The following SMG7 variants were observed in gnomAD, a reference collection of about 807,000 sequenced individuals.
The protein encoded by SMG7 is SMG7 nonsense mediated mRNA decay factor.
In SMG7, 34 loss-of-function variants were observed where a neutral mutation model predicts 148.2. The observed-to-expected ratio is 0.23, with a 90% CI of 0.17 to 0.31. The LOEUF (loss-of-function observed/expected upper bound fraction) is 0.31, where lower values mean the gene tolerates loss of function less well. Ranked by LOEUF, SMG7 falls within the 10% of genes least tolerant of loss-of-function variation. The pLI is 1.00. For synonymous variants in SMG7, 492 were observed against 515.1 expected (o/e 0.96, Z 0.61); for missense variants, 1,114 against 1,408.4 (o/e 0.79, Z 3.35).
At position 183,512,640 on chromosome 1, in the gene SMG7, T is replaced by C. The variant is rs1571917957; in HGVS notation, c.30-197T>C. 2.6e-5 allele frequency among the ~76,000 whole-genome samples: 4 copies of C among 152,296 alleles called. No individual in the cohort carries two copies. The South Asian group carries it at 8.3e-4, about 32-fold the overall frequency. On this transcript the variant is annotated intron_variant, in intron 1 of 22. Coordinates refer to ENST00000688051, the MANE Select transcript of SMG7 (RefSeq NM_001375584.1). Reference sequence around the variant, plus strand: ...TAAGTGGTCCTTAAACTTTTAAGTATTGGCATTAATTTGCCAAGACCTTGT... The same window carrying C: ...TAAGTGGTCCTTAAACTTTTAAGTACTGGCATTAATTTGCCAAGACCTTGT...
chr1:183,517,966 C>A (rs902321821), intron 4 of SMG7, 146 bp downstream of exon 4: 1 of 844,700 alleles, frequency 1.2e-6, no homozygotes, highest in Non-Finnish European at 1.8e-6. Context: ...TCTTTTTTGG[C>A]GACAGAGTCT....
intron 1 of SMG7, among the ~76,000 whole-genome samples, chr1:183,477,836 A>T (rs752306300): frequency 6.6e-5 from 10 of 152,130 alleles, no homozygotes; most frequent in Non-Finnish European, 1.5e-4. Context: ...GTATATATAC[A>T]TATATTTTTT....
At chr1:183,549,081 T>C in intron 18 of SMG7, 127 bp from the exon 19 acceptor site, 1 of 673,126 alleles carries the variant, frequency 1.5e-6, no homozygotes, top group South Asian at 1.9e-5. Context: ...TCACATCTTC[T>C]GAGCCTCAAA....
At chr1:183,521,068 C>T (rs369407638) in intron 4 of SMG7, among the ~76,000 whole-genome samples, 2 of 149,000 alleles carry the variant, frequency 1.3e-5, no homozygotes, top group African/African-American at 2.5e-5. Flanking sequence ...GAATTTTTCA[C>T]TTGCTTTTTT....
At chr1:183,473,131 A>T (rs755856287) in intron 1 of SMG7, 7 of 165,096 alleles carry the variant, frequency 4.2e-5, no homozygotes, top group Non-Finnish European at 7.6e-5. Context: ...GAGGGCAGAC[A>T]GGGGGAGAGG....
intron 2 of SMG7, among the ~76,000 whole-genome samples, chr1:183,514,972 A>G (rs1571933151): frequency 6.6e-6 from 1 of 152,218 alleles, no homozygotes; most frequent in African/African-American, 2.4e-5. Flanking sequence ...TAGCAAAACG[A>G]AGTAGCCCAG....
At chr1:183,480,794 T>G (rs1653904697) in intron 1 of SMG7, among the ~76,000 whole-genome samples, 1 of 152,172 alleles carries the variant, frequency 6.6e-6, no homozygotes. Flanking sequence ...TTTGAAAAAT[T>G]CTTCCTACTG....
rs1468099274 is a variant in SMG7 at position 183,531,185 on chromosome 1, GAT to G, written c.843+1654_843+1655del. On this transcript the variant is annotated intron_variant, in intron 8 of 22. Transcript: ENST00000688051. ...CCAAAGTATTTCTAAAGCATATGTA[GAT>G]AATTAGTATCATCAACATGTATACT... is the stretch of plus-strand genomic sequence containing the variant. 3.3e-5 allele frequency among the ~76,000 whole-genome samples: 5 copies of G among 152,068 alleles called. No homozygotes were observed. The East Asian group carries it at 9.6e-4, about 29-fold the overall frequency.
intron 1 of SMG7, among the ~76,000 whole-genome samples, chr1:183,505,263 G>A (rs1660649540): frequency 6.6e-6 from 1 of 152,078 alleles, no homozygotes; most frequent in Non-Finnish European, 1.5e-5. Flanking sequence ...CTCTGGCAAG[G>A]CTATCATTGA....
intron 20 of SMG7, 84 bp downstream of exon 20, chr1:183,550,007 A>C (rs1156557980): frequency 1.2e-6 from 1 of 862,190 alleles, no homozygotes; most frequent in Non-Finnish European, 1.7e-6. Flanking sequence ...TGTAATTACA[A>C]ATATATCATT....
intron 2 of SMG7, among the ~76,000 whole-genome samples, chr1:183,514,884 CTT>C (rs1446432275): frequency 1.3e-5 from 2 of 152,300 alleles, no homozygotes; most frequent in East Asian, 3.9e-4. Context: ...AGGAGATTCT[CTT>C]TGCAAAATAG....
At chr1:183,493,551 C>T (rs900728274) in intron 1 of SMG7, among the ~76,000 whole-genome samples, 1 of 152,124 alleles carries the variant, frequency 6.6e-6, no homozygotes, top group Non-Finnish European at 1.5e-5. Flanking sequence ...GGGTTATAAC[C>T]TTAGTGTTGG....
intron 1 of SMG7, among the ~76,000 whole-genome samples, chr1:183,512,483 G>T (rs182033670): frequency 6.6e-6 from 1 of 152,256 alleles, no homozygotes; most frequent in Non-Finnish European, 1.5e-5. Flanking sequence ...GAGAAACATA[G>T]TAGGTTTTTT....
At position 183,546,129 on chromosome 1, in the gene SMG7, T is replaced by C; in HGVS notation, c.2534T>C (p.Leu845Pro). ...LQPPVMQQQP[L>P]EKKMKPFPME... ...CCTCCTGTAATGCAGCAGCAGCCTC[T>C]AGAAAAAAAAATGAAGCCTTTTCCC... is the stretch of plus-strand genomic sequence containing the variant. The change falls in exon 17 of 23, where the codon CTA (leucine) becomes CCA (proline). Residue 845 changes from leucine (L) to proline (P), a missense_variant. Physicochemically the swap from Leu to Pro is moderately conservative, Grantham distance 98. Around this residue, in one of 4 missense-constraint regions of SMG7, gnomAD observed 788 missense variants for 894.5 expected, o/e 0.88. Coordinates refer to ENST00000688051, the MANE Select transcript of SMG7 (RefSeq NM_001375584.1). 1 of 1,613,752 alleles carries C rather than the reference T, an allele frequency of 6.2e-7. No homozygotes were observed. Among genetic ancestry groups the C allele is most frequent in the Non-Finnish European group, 8.5e-7 (1 of 1,179,904 alleles).
rs1416591882 is a variant in SMG7, at chr1:183,515,908, C to T, written c.96C>T (p.Ser32=). ...TGGGTCCAGCTGAAGTCTGGACATCCAGGCAGGCTCTGCAGGACCTGTACC... is the reference window on the plus strand; with the variant it reads ...TGGGTCCAGCTGAAGTCTGGACATCTAGGCAGGCTCTGCAGGACCTGTACC... The part of the protein sequence containing the change: ...SKLGPAEVWT[S]RQALQDLYQK... The change falls in exon 3 of 23, where the codon TCC becomes TCT. Residue 32 remains serine (S), a synonymous_variant. Transcript: ENST00000688051. 3.7e-6 allele frequency: 6 copies of T among 1,612,660 alleles called. No homozygotes were observed. The highest frequency in any genetic ancestry group is 5.1e-6 in the Non-Finnish European group (6 of 1,179,294).
intron 14 of SMG7, among the ~76,000 whole-genome samples, chr1:183,543,694 G>A: frequency 6.6e-6 from 1 of 152,164 alleles, no homozygotes; most frequent in Non-Finnish European, 1.5e-5. Context: ...ACCACACTCT[G>A]TACCTCGTCC....
chr1:183,549,072 C>T, intron 18 of SMG7, 136 bp from the exon 19 acceptor site: 1 of 647,816 alleles, frequency 1.5e-6, no homozygotes, highest in Non-Finnish European at 2.7e-6. Flanking sequence ...GATTTGAATT[C>T]ACATCTTCTG....
chr1:183,503,433 A>G (rs1163595304), intron 1 of SMG7, among the ~76,000 whole-genome samples: 1 of 152,194 alleles, frequency 6.6e-6, no homozygotes, highest in Non-Finnish European at 1.5e-5. Context: ...AAAAAATAAC[A>G]TCCTGACTCA....
chr1:183,502,348 G>A (rs142098788), intron 1 of SMG7: 9 of 1,534,584 alleles, frequency 5.9e-6, no homozygotes, highest in East Asian at 2.4e-5. Flanking sequence ...GATGAGGACC[G>A]AAAACTTGAA....
Sources: allele counts gnomAD v4.1 joint callset (sites outside exome capture counted in the v4.1 genomes callset), GRCh38; gene constraint gnomAD v4.1.1; regional missense constraint gnomAD v4.1.1; transcripts MANE v1.5; gene names NCBI Gene and HGNC (gene_info 2026-07-23, HGNC 2026-07-21).